ADORA2B: variants seen among roughly 807,000 people sequenced by gnomAD.
ADORA2B encodes the protein adenosine A2b receptor.
Under a neutral mutation model 20.8 loss-of-function variants are expected in ADORA2B, and 18 were observed. The ratio of observed to expected loss-of-function variants is 0.87; its 90% CI spans 0.60 to 1.29. ADORA2B has a LOEUF of 1.29. Among genes scored for constraint, ADORA2B ranks in the 50% most tolerant of loss-of-function variants. The pLI is 0.00. For missense variants in ADORA2B, 441 were observed against 422.7 expected (o/e 1.04, Z -0.38); for synonymous variants, 179 against 178.3 (o/e 1.00, Z -0.03).
At chr17:15,873,732 G>C in the ADORA2B span, among the ~76,000 whole-genome samples, 1 of 152,268 alleles carries the variant, frequency 6.6e-6, no homozygotes, top group Non-Finnish European at 1.5e-5. Context: ...TTATTAAAAA[G>C]TCAAGAAACA....
chr17:15,876,774 A>G, the ADORA2B span, among the ~76,000 whole-genome samples: 2 of 152,288 alleles, frequency 1.3e-5, no homozygotes, highest in East Asian at 3.9e-4. Context: ...CAAAATACGT[A>G]TAACATAAAA....
chr17:15,917,823 T>C, the ADORA2B span, among the ~76,000 whole-genome samples: 2 of 152,200 alleles, frequency 1.3e-5, no homozygotes, highest in South Asian at 4.1e-4. Flanking sequence ...ACTCGGCTCC[T>C]TGGCTTAGGC....
At chr17:15,900,548 G>T in the ADORA2B span, among the ~76,000 whole-genome samples, 1 of 152,106 alleles carries the variant, frequency 6.6e-6, no homozygotes, top group African/African-American at 2.4e-5. Context: ...CCAGGCTAAA[G>T]TGATCCTCCC....
intron 1 of ADORA2B, among the ~76,000 whole-genome samples, chr17:15,957,056 C>G (rs1278864219): frequency 6.6e-6 from 1 of 152,052 alleles, no homozygotes; most frequent in Non-Finnish European, 1.5e-5. Flanking sequence ...ATGGACGGGA[C>G]AAGATGATAT....
At chr17:15,939,913 CAG>C in the ADORA2B span, among the ~76,000 whole-genome samples, 2 of 149,436 alleles carry the variant, frequency 1.3e-5, no homozygotes, top group Non-Finnish European at 3.0e-5. Context: ...TGTCTGAGGG[CAG>C]AGTGAATGTA....
At chr17:15,923,387 G>A in the ADORA2B span, among the ~76,000 whole-genome samples, 3 of 125,612 alleles carry the variant, frequency 2.4e-5, 1 homozygote, top group South Asian at 7.5e-4. Context: ...CTATGTGTGT[G>A]TGTATATATA....
At chr17:15,864,251 A>G in the ADORA2B span, 2 of 152,182 alleles carry the variant, frequency 1.3e-5, no homozygotes, top group African/African-American at 4.8e-5. Flanking sequence ...TGGTGGACCA[A>G]TATGCATGTA....
chr17:15,922,687 G>T, the ADORA2B span, among the ~76,000 whole-genome samples: 1 of 152,208 alleles, frequency 6.6e-6, no homozygotes, highest in Non-Finnish European at 1.5e-5. Context: ...ATATGTATAT[G>T]TTCATGTGTG....
chr17:15,928,764 G>A, the ADORA2B span, among the ~76,000 whole-genome samples: 1 of 151,894 alleles, frequency 6.6e-6, no homozygotes. Flanking sequence ...GAGGATTCAT[G>A]GACAACATTG....
the ADORA2B span, among the ~76,000 whole-genome samples, chr17:15,881,124 C>T: frequency 0.33 from 49,948 of 151,790 alleles, 8,907 homozygotes; most frequent in African/African-American, 0.46. Flanking sequence ...TATTTTGAGA[C>T]GGAGTCTTTC....
At position 15,959,562 on chromosome 17, in the gene ADORA2B, G is replaced by T. The variant is rs556704481; in HGVS notation, c.335+13979G>T. 2.1e-5 allele frequency among the ~76,000 whole-genome samples: 3 copies of T among 145,918 alleles called. No homozygotes were observed. The South Asian group carries it at 6.5e-4, about 32-fold the overall frequency. On this transcript the variant is annotated intron_variant, in intron 1 of 1. Transcript: ENST00000304222. ...ATCACCCAGGCTGGGGTGCAATGGC[G>T]CGATCTGAGCTCACGGCAACCTCCG...
intron 1 of ADORA2B, among the ~76,000 whole-genome samples, chr17:15,964,783 C>G (rs374593436): frequency 1.3e-5 from 2 of 150,376 alleles, no homozygotes; most frequent in Non-Finnish European, 3.0e-5. Flanking sequence ...AAAATCTGGC[C>G]GGGCGCGGTG....
chr17:15,920,167 T>C, the ADORA2B span, among the ~76,000 whole-genome samples: 2 of 152,188 alleles, frequency 1.3e-5, no homozygotes, highest in East Asian at 3.9e-4. Context: ...CTAAATAATA[T>C]GTACACATGG....
chr17:15,933,689 TA>T, the ADORA2B span, among the ~76,000 whole-genome samples: 2 of 152,190 alleles, frequency 1.3e-5, no homozygotes, highest in Admixed American at 6.5e-5. Flanking sequence ...TTATTTGTTC[TA>T]AAAGGTTTTG....
the ADORA2B span, among the ~76,000 whole-genome samples, chr17:15,936,854 G>A: frequency 6.6e-6 from 1 of 152,178 alleles, no homozygotes; most frequent in Admixed American, 6.5e-5. Flanking sequence ...TACTCAGGAG[G>A]CTAAGACAAA....
chr17:15,922,904 GT>G, the ADORA2B span, among the ~76,000 whole-genome samples: 1 of 152,088 alleles, frequency 6.6e-6, no homozygotes, highest in Non-Finnish European at 1.5e-5. Context: ...TCTGAATTTA[GT>G]TTTCATTTGC....
chr17:15,935,535 C>T, the ADORA2B span, among the ~76,000 whole-genome samples: 34 of 152,194 alleles, frequency 2.2e-4, no homozygotes, highest in African/African-American at 6.5e-4. Context: ...GTGTAGATAT[C>T]TTTGATTTTA....
At chr17:15,917,962 G>C in the ADORA2B span, among the ~76,000 whole-genome samples, 3 of 152,242 alleles carry the variant, frequency 2.0e-5, no homozygotes, top group African/African-American at 7.2e-5. Context: ...GGCCCGGGCT[G>C]TCCTCCTCCG....
chr17:15,972,756 GT>G (rs1436374860), intron 1 of ADORA2B, among the ~76,000 whole-genome samples: 1 of 151,984 alleles, frequency 6.6e-6, no homozygotes, highest in African/African-American at 2.4e-5. Flanking sequence ...GTATTTTTTT[GT>G]TGTTTGTTTT....
Sources: allele counts gnomAD v4.1 joint callset (sites outside exome capture counted in the v4.1 genomes callset), GRCh38; gene constraint gnomAD v4.1.1; transcripts MANE v1.5; gene names NCBI Gene and HGNC (gene_info 2026-07-23, HGNC 2026-07-21).